The following PKD1L1 variants were observed in gnomAD, a reference collection of about 807,000 sequenced individuals.
The protein encoded by PKD1L1 is polycystin 1 like 1, transient receptor potential channel interacting, also known as polycystin-1-like protein 1.
In PKD1L1, 236 loss-of-function variants were observed where a neutral mutation model predicts 323.4. The observed-to-expected ratio is 0.73, with a 90% confidence interval of 0.66 to 0.81. PKD1L1 has a LOEUF of 0.81. PKD1L1 is among the 40% of genes least tolerant of loss of function. PKD1L1 has a pLI of 0.00. For synonymous variants in PKD1L1, 1,344 were observed against 1,335.0 expected (o/e 1.01, Z -0.15); for missense variants, 3,320 against 3,508.0 (o/e 0.95, Z 1.35).
chr7:47,830,586 C>T (rs1485269052), intron 42 of PKD1L1, among the ~76,000 whole-genome samples: 1 of 152,172 alleles, frequency 6.6e-6, no homozygotes, highest in Admixed American at 6.5e-5. Context: ...GATGAGCAAA[C>T]TGAGGCACAA....
At position 47,876,110 on chromosome 7, in the gene PKD1L1, C is replaced by T; in HGVS notation, c.3771G>A (p.Leu1257=). Residue 1257 remains leucine, a synonymous_variant, in exon 23 of 57, where the codon TTG becomes TTA. Transcript: ENST00000289672. ...YYFVLPAGEH[L]DNYKVMVSTE... ...ACCATAGCTTACCTTTGTAATTGTC[C>T]AAGTGCTCACCAGCTGGCAACACAA... 6.2e-7 allele frequency: 1 copy of T among 1,614,008 alleles called. No homozygotes were observed. Among genetic ancestry groups the T allele is most frequent in the South Asian group, 1.1e-5 (1 of 91,032 alleles).
At chr7:47,861,715 T>C (rs1437152820) in intron 26 of PKD1L1, among the ~76,000 whole-genome samples, 1 of 151,708 alleles carries the variant, frequency 6.6e-6, no homozygotes, top group African/African-American at 2.4e-5. Flanking sequence ...ATCCCGTCTC[T>C]ACTAAAAACA....
chr7:47,821,744 G>C (rs891154092), intron 45 of PKD1L1, among the ~76,000 whole-genome samples: 8 of 150,170 alleles, frequency 5.3e-5, no homozygotes, highest in African/African-American at 2.0e-4. Context: ...CTGGAGTGCA[G>C]TGGCACAATC....
the PKD1L1 span, among the ~76,000 whole-genome samples, chr7:47,953,496 A>G: frequency 6.6e-6 from 1 of 152,184 alleles, no homozygotes; most frequent in African/African-American, 2.4e-5. Context: ...GACCCAGGAC[A>G]AGTCCCATGG....
intron 1 of PKD1L1, among the ~76,000 whole-genome samples, chr7:47,944,971 G>T (rs1374237267): frequency 6.6e-6 from 1 of 152,198 alleles, no homozygotes; most frequent in Non-Finnish European, 1.5e-5. Flanking sequence ...CCAGCGACAG[G>T]GCAATGGGAA....
chr7:47,856,959 G>A (rs970159848), intron 28 of PKD1L1, among the ~76,000 whole-genome samples: 6 of 152,180 alleles, frequency 3.9e-5, no homozygotes, highest in African/African-American at 1.4e-4. Context: ...CTCACTCATG[G>A]TGACCCTGGG....
intron 8 of PKD1L1, among the ~76,000 whole-genome samples, chr7:47,909,748 C>G (rs1787279099): frequency 6.6e-6 from 1 of 152,222 alleles, no homozygotes; most frequent in Non-Finnish European, 1.5e-5. Context: ...ATAGTCATTT[C>G]TCTCTTCACT....
chr7:47,882,192 G>GT, intron 19 of PKD1L1, 107 bp from the exon 20 acceptor site: 2 of 1,122,430 alleles, frequency 1.8e-6, no homozygotes, highest in Non-Finnish European at 2.6e-6. Context: ...ACTATTGCTG[G>GT]ATACCGCCTA....
chr7:47,900,663 G>A (rs1787066529), intron 13 of PKD1L1, among the ~76,000 whole-genome samples: 2 of 152,150 alleles, frequency 1.3e-5, no homozygotes, highest in Admixed American at 6.6e-5. Flanking sequence ...AGGGGGTGGA[G>A]ACTGCAGTGA....
chr7:47,828,080 C>A (rs529085705), intron 44 of PKD1L1, among the ~76,000 whole-genome samples: 4 of 152,216 alleles, frequency 2.6e-5, no homozygotes, highest in African/African-American at 9.6e-5. Flanking sequence ...GGAATGTGAA[C>A]AATATAAAGC....
chr7:47,861,107 C>G (rs180911472), intron 26 of PKD1L1, among the ~76,000 whole-genome samples: 127 of 152,320 alleles, frequency 8.3e-4, no homozygotes, highest in African/African-American at 2.7e-3. Context: ...GAGGGAGACA[C>G]CCACTGAACA....
chr7:47,899,693 A>G (rs1249086862), intron 13 of PKD1L1, among the ~76,000 whole-genome samples: 1 of 152,118 alleles, frequency 6.6e-6, no homozygotes, highest in Non-Finnish European at 1.5e-5. Context: ...ACGGTGACGC[A>G]AGCCTGTAAT....
chr7:47,898,998 T>G (rs1432846783), intron 13 of PKD1L1, among the ~76,000 whole-genome samples: 1 of 152,178 alleles, frequency 6.6e-6, no homozygotes, highest in South Asian at 2.1e-4. Flanking sequence ...AATAAATGCT[T>G]AATTCTTTCC....
chr7:47,884,149 T>A (rs1786627383), intron 19 of PKD1L1, among the ~76,000 whole-genome samples: 2 of 129,212 alleles, frequency 1.5e-5, no homozygotes, highest in Admixed American at 1.6e-4. Flanking sequence ...AATACTGAGC[T>A]GGTGTGTGTG....
At chr7:47,857,977 G>A in intron 27 of PKD1L1, 145 bp from the exon 28 acceptor site, 1 of 701,474 alleles carries the variant, frequency 1.4e-6, no homozygotes, top group South Asian at 1.9e-5. Flanking sequence ...GCAGGTCTTA[G>A]GGCTCAGCGC....
At chr7:47,940,353 T>C (rs1787960126) in intron 2 of PKD1L1, 36 bp from the exon 3 acceptor site, 1 of 1,597,682 alleles carries the variant, frequency 6.3e-7, no homozygotes, top group African/African-American at 1.3e-5. Flanking sequence ...TTCTGAAGAC[T>C]GCAATGTGCT....
chr7:47,860,601 G>A (rs1402620457), intron 26 of PKD1L1, among the ~76,000 whole-genome samples: 1 of 152,052 alleles, frequency 6.6e-6, no homozygotes, highest in Non-Finnish European at 1.5e-5. Flanking sequence ...CTTTACATGA[G>A]GTAGCTTACC....
Position 47,940,357 on chromosome 7 carries a change from A to G in PKD1L1, c.161-40T>C, listed in dbSNP as rs770659066. The G allele has an allele frequency of 1.9e-6, 3 of 1,589,164 alleles. No individual in the cohort carries two copies. In the South Asian group the frequency reaches 3.4e-5, roughly 18 times the overall value. ...AAAAGCAAACATTCTGAAGACTGCAATGTGCTGGGAAGGTGAGAACATAAA... is the reference window on the plus strand; with the variant it reads ...AAAAGCAAACATTCTGAAGACTGCAGTGTGCTGGGAAGGTGAGAACATAAA... On this transcript the variant is annotated intron_variant, in intron 2 of 56. Coordinates refer to ENST00000289672, the MANE Select transcript of PKD1L1 (RefSeq NM_138295.5).
At chr7:47,887,968 T>C in intron 17 of PKD1L1, 22 bp downstream of exon 17, 5 of 1,586,692 alleles carry the variant, frequency 3.2e-6, no homozygotes, top group Non-Finnish European at 4.3e-6. Context: ...GAAAACAAAA[T>C]AAAGCTATTA....
Sources: allele counts gnomAD v4.1 joint callset (sites outside exome capture counted in the v4.1 genomes callset), GRCh38; gene constraint gnomAD v4.1.1; transcripts MANE v1.5; gene names NCBI Gene and HGNC (gene_info 2026-07-23, HGNC 2026-07-21).